Variants in CASR observed in about 807,000 individuals in gnomAD.
CASR encodes the protein calcium sensing receptor.
CASR carries 23 observed loss-of-function variants against 69.1 expected under a neutral mutation model. The ratio of observed to expected loss-of-function variants is 0.33; its 90% CI spans 0.24 to 0.47. The LOEUF (loss-of-function observed/expected upper bound fraction) is 0.47. CASR is among the 20% of genes least tolerant of loss of function. The pLI is 1.00. For synonymous variants in CASR, 541 were observed against 544.7 expected (o/e 0.99, Z 0.10); for missense variants, 924 against 1,356.1 (o/e 0.68, Z 5.00).
Position 122,285,334 on chromosome 3 carries a change from TA to T in CASR, c.*146del, listed in dbSNP as rs1410975067. 1 of 723,700 alleles carries T rather than the reference TA, an allele frequency of 1.4e-6. No individual in the cohort carries two copies. Among genetic ancestry groups the T allele is most frequent in the African/African-American group, 1.7e-5 (1 of 57,272 alleles). 44.8% of individuals were successfully genotyped at this position (723,700 alleles called of 1,614,324 possible). The stretch of plus-strand genomic sequence containing the variant: ...TGCCCCGAATTTAGTCACACCATCT[TA>T]AATGACAGTGAATTGACCCATGTTC... On this transcript the variant is annotated 3_prime_UTR_variant, in exon 7 of 7. Transcript: ENST00000639785.
In CASR at chr3:122,277,338, T is replaced by A. The variant is rs149292887; in HGVS notation, c.1608+1296T>A. On this transcript the variant is annotated intron_variant, in intron 5 of 6. Coordinates refer to ENST00000639785, the MANE Select transcript of CASR (RefSeq NM_000388.4). ...CTCAGATGACAGACGTGAGCCACCATGCCCAGCCATCTTGGACCACTTTTT... is the reference window on the plus strand; with the variant it reads ...CTCAGATGACAGACGTGAGCCACCAAGCCCAGCCATCTTGGACCACTTTTT... Among the ~76,000 whole-genome samples, 731 of 152,218 alleles carry A rather than the reference T, an allele frequency of 4.8e-3. 9 individuals carry two copies. The highest frequency in any genetic ancestry group is 0.016 in the African/African-American group (676 of 41,534).
chr3:122,251,487 C>A (rs1367291490), intron 1 of CASR, among the ~76,000 whole-genome samples: 2 of 152,238 alleles, frequency 1.3e-5, no homozygotes, highest in African/African-American at 4.8e-5. Context: ...CCAGAAGGAG[C>A]TCTTTTCCTC....
chr3:122,205,271 T>C, intron 1 of CASR, among the ~76,000 whole-genome samples: 1 of 152,122 alleles, frequency 6.6e-6, no homozygotes, highest in Middle Eastern at 3.2e-3. Flanking sequence ...GACAGGAGTC[T>C]AGTTTCATTC....
At chr3:122,209,488 G>A (rs1206031847) in intron 1 of CASR, among the ~76,000 whole-genome samples, 3 of 152,186 alleles carry the variant, frequency 2.0e-5, no homozygotes, top group African/African-American at 4.8e-5. Context: ...GGAGCAGGTC[G>A]CATCTTATGT....
intron 4 of CASR, among the ~76,000 whole-genome samples, chr3:122,265,438 C>A (rs888939440): frequency 3.9e-5 from 6 of 152,204 alleles, no homozygotes; most frequent in African/African-American, 7.2e-5. Flanking sequence ...CTTCCCAGCT[C>A]TCTCTTCACT....
In CASR at chr3:122,260,301, T is replaced by C. The variant is rs35982888; in HGVS notation, c.493-1227T>C. On this transcript the variant is annotated intron_variant, in intron 3 of 6. Coordinates refer to ENST00000639785, the MANE Select transcript of CASR (RefSeq NM_000388.4). ...CACTAACTAATGCTTTACATGGTAT[T>C]TGGCTACTTCTTCAAGCAACGATCT... 1.4e-3 allele frequency among the ~76,000 whole-genome samples: 212 copies of C among 152,330 alleles called. 1 individual carries two copies. Among genetic ancestry groups the C allele is most frequent in the African/African-American group, 4.9e-3 (204 of 41,584 alleles).
At chr3:122,253,261 G>A (rs1438111370) in intron 1 of CASR, among the ~76,000 whole-genome samples, 1 of 152,070 alleles carries the variant, frequency 6.6e-6, no homozygotes, top group Non-Finnish European at 1.5e-5. Flanking sequence ...TTTTTTCTGA[G>A]ACAGAGTTTC....
intron 1 of CASR, among the ~76,000 whole-genome samples, chr3:122,228,496 G>C (rs928241781): frequency 2.6e-5 from 4 of 152,108 alleles, no homozygotes; most frequent in African/African-American, 9.7e-5. Context: ...TATTAACCAG[G>C]TGCAGACAAA....
intron 1 of CASR, among the ~76,000 whole-genome samples, chr3:122,193,822 G>A (rs2073861942): frequency 6.6e-6 from 1 of 152,122 alleles, no homozygotes; most frequent in African/African-American, 2.4e-5. Flanking sequence ...TCACAGTAAA[G>A]TAACACAGTT....
chr3:122,187,984 C>A (rs543828103), intron 1 of CASR, among the ~76,000 whole-genome samples: 1 of 152,256 alleles, frequency 6.6e-6, no homozygotes, highest in Non-Finnish European at 1.5e-5. Context: ...TAATACTTTC[C>A]TCATAGGATT....
At chr3:122,208,787 C>T (rs562942435) in intron 1 of CASR, among the ~76,000 whole-genome samples, 2 of 152,222 alleles carry the variant, frequency 1.3e-5, no homozygotes, top group African/African-American at 2.4e-5. Flanking sequence ...TGAATGGCTA[C>T]GTATTTTGGA....
Position 122,187,629 on chromosome 3 carries a change from G to C in CASR, c.-243+3817G>C, listed in dbSNP as rs1204361179. Among the ~76,000 whole-genome samples the C allele has an allele frequency of 2.0e-5, 3 of 152,204 alleles. No individual in the cohort carries two copies. In the East Asian group the frequency reaches 5.8e-4, roughly 29 times the overall value. On this transcript the variant is annotated intron_variant, in intron 1 of 6. Coordinates refer to ENST00000639785, the MANE Select transcript of CASR (RefSeq NM_000388.4). ...AATTCTACCAAAGGAGGAAGGGTCA[G>C]GGAAAGGTTCTTGGAGGAGGTAACG...
At chr3:122,199,429 G>T (rs1292699220) in intron 1 of CASR, among the ~76,000 whole-genome samples, 1 of 152,088 alleles carries the variant, frequency 6.6e-6, no homozygotes, top group African/African-American at 2.4e-5. Context: ...CTGAATTATT[G>T]TATTTGCAGT....
intron 1 of CASR, among the ~76,000 whole-genome samples, chr3:122,236,013 G>T (rs111697623): frequency 1.3e-3 from 193 of 152,310 alleles, no homozygotes; most frequent in South Asian, 6.8e-3. Flanking sequence ...AAGTTCCCAA[G>T]TGATGGTGCT....
chr3:122,262,055 G>A lies in CASR; in HGVS notation c.1020G>A (p.Arg340=), dbSNP rs773927063. Residue 340 remains arginine, a synonymous_variant, in exon 4 of 7, where the codon AGG becomes AGA. Coordinates refer to ENST00000639785, the MANE Select transcript of CASR (RefSeq NM_000388.4). ...FREFLKKVHP[R]KSVHNGFAKE... ...AATTCCTGAAGAAGGTCCATCCCAG[G>A]AAGTCTGTCCACAATGGTTTTGCCA... 4 of 1,614,158 alleles carry A rather than the reference G, an allele frequency of 2.5e-6. No homozygotes were observed. The Admixed American group carries it at 5.0e-5, about 20-fold the overall frequency.
intron 5 of CASR, among the ~76,000 whole-genome samples, chr3:122,277,589 G>A (rs966152861): frequency 2.0e-5 from 3 of 152,212 alleles, no homozygotes; most frequent in African/African-American, 4.8e-5. Context: ...TCCAGATGGA[G>A]ATTTGGGGGT....
intron 4 of CASR, among the ~76,000 whole-genome samples, chr3:122,268,173 G>A (rs1419702804): frequency 6.6e-6 from 1 of 152,184 alleles, no homozygotes; most frequent in East Asian, 1.9e-4. Flanking sequence ...GAGAAATAGA[G>A]ATCATGAAAC....
intron 1 of CASR, among the ~76,000 whole-genome samples, chr3:122,210,755 CA>C (rs748641958): frequency 9.3e-5 from 14 of 151,124 alleles, no homozygotes; most frequent in Non-Finnish European, 1.2e-4. Flanking sequence ...TATATGGAGC[CA>C]AAAAAAAGAG....
intron 1 of CASR, among the ~76,000 whole-genome samples, chr3:122,222,156 G>T (rs1043698840): frequency 6.6e-6 from 1 of 152,130 alleles, no homozygotes; most frequent in Non-Finnish European, 1.5e-5. Context: ...CAAGATAAAG[G>T]GGACTGGAAG....
Sources: allele counts gnomAD v4.1 joint callset (sites outside exome capture counted in the v4.1 genomes callset), GRCh38; gene constraint gnomAD v4.1.1; transcripts MANE v1.5; gene names NCBI Gene and HGNC (gene_info 2026-07-23, HGNC 2026-07-21).